NTM: variants seen among roughly 807,000 people sequenced by gnomAD.
The protein encoded by NTM is neurotrimin.
Under a neutral mutation model 42.1 loss-of-function variants are expected in NTM, and 13 were observed. That is an observed-to-expected ratio of 0.31 (90% CI 0.20 to 0.49). The LOEUF is 0.49. Among genes scored for constraint, NTM ranks in the 20% least tolerant of loss-of-function variants. The pLI is 0.99. For missense variants in NTM, 373 were observed against 452.8 expected (o/e 0.82, Z 1.60); for synonymous variants, 187 against 179.2 (o/e 1.04, Z -0.35).
chr11:131,797,743 A>C (rs1169880207), intron 1 of NTM, among the ~76,000 whole-genome samples: 1 of 152,240 alleles, frequency 6.6e-6, no homozygotes, highest in Non-Finnish European at 1.5e-5. Flanking sequence ...CAATTACTTT[A>C]GTATGTATCA....
At chr11:132,199,579 A>G (rs952451575) in intron 3 of NTM, among the ~76,000 whole-genome samples, 2 of 152,132 alleles carry the variant, frequency 1.3e-5, no homozygotes, top group African/African-American at 4.8e-5. Context: ...ATAGGGGAGA[A>G]ATTCCTTCCT....
At chr11:132,027,792 G>A (rs1309542979) in intron 2 of NTM, among the ~76,000 whole-genome samples, 1 of 151,998 alleles carries the variant, frequency 6.6e-6, no homozygotes, top group African/African-American at 2.4e-5. Flanking sequence ...ATAAATTTTT[G>A]GAAATTCTCA....
chr11:132,316,035 A>G (rs1173755746), intron 7 of NTM, among the ~76,000 whole-genome samples: 1 of 152,052 alleles, frequency 6.6e-6, no homozygotes, highest in East Asian at 1.9e-4. Flanking sequence ...TCTAAATCTA[A>G]GGCTCCCCCT....
At chr11:131,373,539 G>T (rs544820701) in intron 1 of NTM, among the ~76,000 whole-genome samples, 1 of 151,910 alleles carries the variant, frequency 6.6e-6, no homozygotes, top group African/African-American at 2.4e-5. Context: ...GGGGGGATTA[G>T]CTCCCTGGGG....
chr11:131,784,703 T>C (rs1275063389), intron 1 of NTM, among the ~76,000 whole-genome samples: 2 of 152,192 alleles, frequency 1.3e-5, no homozygotes, highest in Non-Finnish European at 2.9e-5. Context: ...TATACACACA[T>C]ATGTGTAATT....
chr11:131,452,188 G>A (rs2136051816), intron 1 of NTM, among the ~76,000 whole-genome samples: 1 of 152,290 alleles, frequency 6.6e-6, no homozygotes, highest in East Asian at 1.9e-4. Flanking sequence ...GAGTTTAACG[G>A]GCTGAGAAAT....
chr11:132,003,440 G>C lies in NTM; in HGVS notation c.167+91792G>C, dbSNP rs1283774385. 5.3e-5 allele frequency among the ~76,000 whole-genome samples: 8 copies of C among 151,958 alleles called. No individual in the cohort carries two copies. Among genetic ancestry groups the C allele is most frequent in the Non-Finnish European group, 4.4e-5 (3 of 68,012 alleles). ...TTTAAATTTTATGTAGAGACAGACT[G>C]TCCTTATATTTCCCAGGCTGCTCTT... On this transcript the variant is annotated intron_variant, in intron 2 of 8. Coordinates refer to ENST00000683400, the MANE Select transcript of NTM (RefSeq NM_001352005.2). This position sits in a 1 kb window ranked among gnomAD's most constrained non-coding sequence, Gnocchi z 6.0.
At chr11:132,164,287 C>T (rs913406007) in intron 3 of NTM, among the ~76,000 whole-genome samples, 4 of 151,940 alleles carry the variant, frequency 2.6e-5, no homozygotes, top group Non-Finnish European at 4.4e-5. Context: ...TCCTGTCTGG[C>T]GGGATTCTTG....
intron 1 of NTM, among the ~76,000 whole-genome samples, chr11:131,754,939 A>G (rs922457862): frequency 1.1e-4 from 17 of 152,236 alleles, no homozygotes; most frequent in African/African-American, 4.1e-4. Context: ...CCAGAAGAGT[A>G]CAGATGGCAA....
chr11:131,522,862 A>G (rs2136581164), intron 1 of NTM, among the ~76,000 whole-genome samples: 1 of 152,342 alleles, frequency 6.6e-6, no homozygotes, highest in Non-Finnish European at 1.5e-5. Context: ...GCCATTTAAA[A>G]CATGCTAATG....
chr11:132,255,495 G>A (rs189414968), intron 4 of NTM, among the ~76,000 whole-genome samples: 1 of 152,338 alleles, frequency 6.6e-6, no homozygotes, highest in East Asian at 1.9e-4. Context: ...GGTGGTTAAT[G>A]CCTGTTTGAT....
intron 2 of NTM, among the ~76,000 whole-genome samples, chr11:132,107,892 T>G (rs2062615681): frequency 6.6e-6 from 1 of 152,216 alleles, no homozygotes. Flanking sequence ...CCTGTCTGCA[T>G]GTACACACCT....
intron 1 of NTM, chr11:131,767,136 T>C: frequency 1.0e-6 from 1 of 983,038 alleles, no homozygotes; most frequent in Non-Finnish European, 1.2e-6. Flanking sequence ...GGATCAACAG[T>C]TCAGGCTCCA....
chr11:131,720,413 G>A (rs1473069386), intron 1 of NTM, among the ~76,000 whole-genome samples: 1 of 152,174 alleles, frequency 6.6e-6, no homozygotes, highest in East Asian at 1.9e-4. Flanking sequence ...CTGGAAAACA[G>A]AAAGCTCTTG....
intron 1 of NTM, among the ~76,000 whole-genome samples, chr11:131,903,816 G>GA (rs2053491683): frequency 6.6e-6 from 1 of 152,178 alleles, no homozygotes; most frequent in Non-Finnish European, 1.5e-5. Flanking sequence ...CCAGACCCTG[G>GA]ATCCCAGCCC....
intron 2 of NTM, among the ~76,000 whole-genome samples, chr11:132,067,438 A>G (rs1053085551): frequency 6.6e-6 from 1 of 152,230 alleles, no homozygotes; most frequent in Non-Finnish European, 1.5e-5. Flanking sequence ...TCCCAAACTC[A>G]GCATCTAGAT....
At chr11:132,205,409 G>T (rs967795277) in intron 3 of NTM, among the ~76,000 whole-genome samples, 2 of 152,208 alleles carry the variant, frequency 1.3e-5, no homozygotes, top group Non-Finnish European at 1.5e-5. Flanking sequence ...GCTAAACCAA[G>T]AGTAGGGAAG....
intron 1 of NTM, among the ~76,000 whole-genome samples, chr11:131,772,211 T>A (rs2086218098): frequency 6.6e-6 from 1 of 152,116 alleles, no homozygotes; most frequent in Non-Finnish European, 1.5e-5. Context: ...ACAATAGACA[T>A]GGGGATATAA....
chr11:131,818,294 T>C (rs1269595277), intron 1 of NTM, among the ~76,000 whole-genome samples: 2 of 152,156 alleles, frequency 1.3e-5, no homozygotes, highest in East Asian at 1.9e-4. Flanking sequence ...CTTTGGGAAA[T>C]AGGTAAAACA....
Sources: gnomAD v4.1 joint callset for allele counts (sites outside exome capture counted in the v4.1 genomes callset) on GRCh38, gnomAD v4.1.1 for gene constraint, Gnocchi (gnomAD v3.1) non-coding constraint, MANE v1.5 for transcripts, NCBI Gene and HGNC (gene_info 2026-07-23, HGNC 2026-07-21) for gene names.